SDR42E1: variants seen among roughly 807,000 people sequenced by gnomAD.
SDR42E1 encodes the protein short-chain dehydrogenase/reductase family 42E member 1.
A neutral mutation model predicts 2.6 loss-of-function variants in SDR42E1; 5 were observed. The observed-to-expected ratio is 1.94, with a 90% CI of 1.01 to 4.08. The LOEUF is 4.08. Ranked by LOEUF, SDR42E1 falls within the 30% of genes most tolerant of loss-of-function variation. The probability of loss-of-function intolerance (pLI) is 0.00; values close to 1 mark genes in which losing one functional copy is unlikely to be tolerated. For missense variants in SDR42E1, 596 were observed against 478.6 expected (o/e 1.25, Z -2.29); for synonymous variants, 231 against 188.3 (o/e 1.23, Z -1.86).
chr16:82,001,334 C>T lies in SDR42E1; in HGVS notation c.-26-450G>A, dbSNP rs188687839. 6.3e-4 allele frequency among the ~76,000 whole-genome samples: 96 copies of T among 152,188 alleles called. No homozygotes were observed. In the East Asian group the frequency reaches 0.012, roughly 19 times the overall value. ...CCAACATCTTTTCTTTAAAATTTCG[C>T]ACTGCAGCATGGTTTAATACTGCTT... On this transcript the variant is annotated intron_variant, in intron 1 of 2. Transcript: ENST00000328945.
chr16:82,000,690 A>G (rs748905714), intron 2 of SDR42E1, 101 bp downstream of exon 2: 11 of 861,210 alleles, frequency 1.3e-5, no homozygotes, highest in Non-Finnish European at 1.7e-5. Context: ...CTGGTTTGAC[A>G]TTACACAAAC....
chr16:82,008,220 C>G (rs1405297621), intron 1 of SDR42E1, among the ~76,000 whole-genome samples: 5 of 152,250 alleles, frequency 3.3e-5, no homozygotes. Context: ...CATTAAACTA[C>G]TTTCCATTAT....
At position 81,996,178 on chromosome 16, in the gene SDR42E1, G is replaced by C. The variant is rs1407020740; in HGVS notation, c.*2933C>G. On this transcript the variant is annotated 3_prime_UTR_variant, in exon 3 of 3. Coordinates refer to ENST00000328945, the MANE Select transcript of SDR42E1 (RefSeq NM_145168.3). ...CAACCTAAGGAAAGTTTTCAGCAGA[G>C]AAGTGACAAAAGATTTGCACCTTTA... is the stretch of plus-strand genomic sequence containing the variant. The C allele has an allele frequency of 6.6e-6, 1 of 152,246 alleles. No homozygotes were observed. Among genetic ancestry groups the C allele is most frequent in the African/African-American group, 2.4e-5 (1 of 41,452 alleles). The allele number at this position is 152,246 out of a possible 1,614,324, so 9.4% of individuals were successfully genotyped here.
chr16:82,008,443 G>C (rs1913020190), intron 1 of SDR42E1, among the ~76,000 whole-genome samples: 1 of 152,246 alleles, frequency 6.6e-6, no homozygotes, highest in African/African-American at 2.4e-5. Flanking sequence ...GAGACTTGTT[G>C]AATGGCTTTC....
intron 1 of SDR42E1, among the ~76,000 whole-genome samples, chr16:82,004,250 G>C (rs1232787554): frequency 7.9e-5 from 12 of 151,996 alleles, no homozygotes; most frequent in African/African-American, 2.9e-4. Context: ...AAGAGATCAT[G>C]GGAGAGTGAG....
chr16:81,998,050 C>T lies in SDR42E1; in HGVS notation c.*1061G>A, dbSNP rs1912589496. ...CTCTGTCTTCTTTCCACTTGGGTTC[C>T]TATGCAACAGTGTAACTGGATCATC... On this transcript the variant is annotated 3_prime_UTR_variant, in exon 3 of 3. Transcript: ENST00000328945. 1 of 152,202 alleles carries T rather than the reference C, an allele frequency of 6.6e-6. No homozygotes were observed. The highest frequency in any genetic ancestry group is 2.4e-5 in the African/African-American group (1 of 41,434). 9.4% of individuals were successfully genotyped at this position (152,202 alleles called of 1,614,324 possible).
intron 1 of SDR42E1, chr16:82,007,823 C>T (rs979760458): frequency 1.3e-5 from 2 of 152,220 alleles, no homozygotes; most frequent in Non-Finnish European, 2.9e-5. Context: ...TCCACCAATT[C>T]CCTGTGTTAC....
rs747376831 is a variant in SDR42E1 at position 82,000,076 on chromosome 16, C to A, written c.217G>T (p.Val73Phe). 36 of 1,614,222 alleles carry A rather than the reference C, an allele frequency of 2.2e-5. No individual in the cohort carries two copies. The highest frequency in any genetic ancestry group is 3.0e-5 in the Non-Finnish European group (35 of 1,180,042). ...DVEKAFQDAD[V>F]TCVFHIASYG... ...GAGGCAATATGGAACACACAAGTGACGTCTGCATCCTGGAAGGCTTTCTCT... is the reference window on the plus strand; with the variant it reads ...GAGGCAATATGGAACACACAAGTGAAGTCTGCATCCTGGAAGGCTTTCTCT... Residue 73 changes from valine to phenylalanine, a missense_variant, in exon 3 of 3, where the codon GTC (valine) becomes TTC (phenylalanine). By Grantham distance (50) the Val-to-Phe change is conservative. Transcript: ENST00000328945.
Position 82,007,486 on chromosome 16 carries a change from G to A in SDR42E1, c.-27+3901C>T, listed in dbSNP as rs1912978656. ...TTACAGGTGAGAAAACTGAAGCTCAGAGACACAAAGTGCCTAACTCCAAGT... is the reference window on the plus strand; with the variant it reads ...TTACAGGTGAGAAAACTGAAGCTCAAAGACACAAAGTGCCTAACTCCAAGT... On this transcript the variant is annotated intron_variant, in intron 1 of 2. Coordinates refer to ENST00000328945, the MANE Select transcript of SDR42E1 (RefSeq NM_145168.3). Among the ~76,000 whole-genome samples, 3 of 152,200 alleles carry A rather than the reference G, an allele frequency of 2.0e-5. No homozygotes were observed. The South Asian group carries it at 6.2e-4, about 31-fold the overall frequency.
rs1002815528 is a variant in SDR42E1, at chr16:81,990,844, C to G, written c.*8267G>C. The G allele has an allele frequency of 4.6e-5, 7 of 152,318 alleles. No individual in the cohort carries two copies. The highest frequency in any genetic ancestry group is 1.7e-4 in the African/African-American group (7 of 41,568). The allele number at this position is 152,318 out of a possible 1,614,324, so 9.4% of individuals were successfully genotyped here. On this transcript the variant is annotated 3_prime_UTR_variant, in exon 3 of 3. Coordinates refer to ENST00000328945, the MANE Select transcript of SDR42E1 (RefSeq NM_145168.3). ...AAGGTATTTGCTGTGCTCAGAGACA[C>G]TTCCACTGTGAAGTGCTTTGTAAAA...
chr16:82,001,246 T>G (rs765399952), intron 1 of SDR42E1, among the ~76,000 whole-genome samples: 19 of 152,226 alleles, frequency 1.2e-4, no homozygotes, highest in Admixed American at 2.6e-4. Flanking sequence ...GATTCAAATT[T>G]GGTAGGAAGA....
At position 81,999,249 on chromosome 16, in the gene SDR42E1, T is replaced by A; in HGVS notation, c.1044A>T (p.Glu348Asp). Residue 348 changes from glutamate (E) to aspartate (D), a missense_variant, in exon 3 of 3, where the codon GAA (glutamate) becomes GAT (aspartate). By Grantham distance (45) the Glu-to-Asp change is conservative (BLOSUM62 2). Transcript: ENST00000328945. ...AQPFDLQEAV[E>D]WFKAHGHGRS... Reference sequence around the variant, plus strand: ...TGCCATGACCATGGGCTTTAAACCATTCCACTGCTTCCTGGAGGTCAAATG... The same window carrying A: ...TGCCATGACCATGGGCTTTAAACCAATCCACTGCTTCCTGGAGGTCAAATG... The A allele has an allele frequency of 6.2e-7, 1 of 1,614,172 alleles. No individual in the cohort carries two copies. Among genetic ancestry groups the A allele is most frequent in the Non-Finnish European group, 8.5e-7 (1 of 1,180,014 alleles).
In SDR42E1 at chr16:81,998,991, C is replaced by A; in HGVS notation, c.*120G>T. On this transcript the variant is annotated 3_prime_UTR_variant, in exon 3 of 3. Coordinates refer to ENST00000328945, the MANE Select transcript of SDR42E1 (RefSeq NM_145168.3). ...TAAAGATTCAATCCAAGAACCTATT[C>A]TTAAGTAGCAATTTGAAGAGCCAAT... 1 of 1,027,914 alleles carries A rather than the reference C, an allele frequency of 9.7e-7. No homozygotes were observed. Among genetic ancestry groups the A allele is most frequent in the Non-Finnish European group, 1.4e-6 (1 of 717,406 alleles). The allele number at this position is 1,027,914 out of a possible 1,614,324, so 63.7% of individuals were successfully genotyped here. A position where few individuals can be genotyped will look rare whatever the true frequency, so the allele number is the denominator to read the frequency against.
In SDR42E1 at chr16:81,999,529, G is replaced by A; in HGVS notation, c.764C>T (p.Ser255Leu). 6.2e-7 allele frequency: 1 copy of A among 1,614,216 alleles called. No individual in the cohort carries two copies. Among genetic ancestry groups the A allele is most frequent in the Non-Finnish European group, 8.5e-7 (1 of 1,180,032 alleles). ...AAAGTTGTTCACGGGTCTGCCATCTGAGATGAAGTAGGGCTGCCCAGAGGC... is the reference window on the plus strand; with the variant it reads ...AAAGTTGTTCACGGGTCTGCCATCTAAGATGAAGTAGGGCTGCCCAGAGGC... The part of the protein sequence containing the change: ...HIASGQPYFI[S>L]DGRPVNNFEF... The change falls in exon 3 of 3, where the codon TCA becomes TTA. Residue 255 changes from serine to leucine, a missense_variant. Transcript: ENST00000328945.
Position 81,999,721 on chromosome 16 carries a change from G to A in SDR42E1, c.572C>T (p.Pro191Leu), listed in dbSNP as rs1437773917. The A allele has an allele frequency of 6.2e-7, 1 of 1,614,094 alleles. No individual in the cohort carries two copies. The highest frequency in any genetic ancestry group is 8.5e-7 in the Non-Finnish European group (1 of 1,180,040). ...CCTGGGAAGGTGTCTTTGTTCTCCA[G>A]GCCCATAGATGCCAGCTGGCCTCAG... ...CALRPAGIYG[P>L]GEQRHLPRIV... Residue 191 changes from proline (P) to leucine (L), a missense_variant, in exon 3 of 3, where the codon CCT becomes CTT. Pro to Leu is a moderately conservative substitution (Grantham distance 98). Transcript: ENST00000328945.
Position 81,999,952 on chromosome 16 carries a change from C to A in SDR42E1, c.341G>T (p.Arg114Met), listed in dbSNP as rs193269551. ...DNILQVCQRRRVPRLVYTSTF... is the reference protein window; with the variant it reads ...DNILQVCQRRMVPRLVYTSTF... ...GCTGGTGTAAACTAACCTGGGCACC[C>A]TTCTCCTTTGGCAAACCTGGAGGAT... is the stretch of plus-strand genomic sequence containing the variant. Residue 114 changes from arginine to methionine, a missense_variant, in exon 3 of 3, where the codon AGG (arginine) becomes ATG (methionine). By Grantham distance (91) the Arg-to-Met change is moderately conservative. Transcript: ENST00000328945. 75 of 1,614,212 alleles carry A rather than the reference C, an allele frequency of 4.6e-5. No homozygotes were observed. The East Asian group carries it at 1.5e-3, about 33-fold the overall frequency.
intron 1 of SDR42E1, among the ~76,000 whole-genome samples, chr16:82,009,460 C>T (rs906409404): frequency 6.6e-6 from 1 of 152,226 alleles, no homozygotes; most frequent in African/African-American, 2.4e-5. Context: ...ATCAGTATGA[C>T]CTGGATATGG....
chr16:82,000,350 C>A (rs1235365222), intron 2 of SDR42E1, 126 bp from the exon 3 acceptor site: 2 of 1,152,724 alleles, frequency 1.7e-6, no homozygotes, highest in African/African-American at 3.0e-5. Flanking sequence ...CTGAGCCCCT[C>A]ACTATGCATG....
intron 1 of SDR42E1, among the ~76,000 whole-genome samples, chr16:82,011,158 G>A (rs1224369567): frequency 6.6e-6 from 1 of 152,178 alleles, no homozygotes; most frequent in Admixed American, 6.5e-5. Context: ...CAAAAAATGC[G>A]GAGGGCCAGT....
Sources: gnomAD v4.1 joint callset for allele counts (sites outside exome capture counted in the v4.1 genomes callset) on GRCh38, gnomAD v4.1.1 for gene constraint, MANE v1.5 for transcripts, NCBI Gene and HGNC (gene_info 2026-07-23, HGNC 2026-07-21) for gene names.